The following UTRN variants were observed in gnomAD, a reference collection of about 807,000 sequenced individuals.
UTRN encodes dystrophin-related protein 1.
A neutral mutation model predicts 463.9 loss-of-function variants in UTRN; 283 were observed. That is an observed-to-expected ratio of 0.61 (90% CI 0.55 to 0.67). UTRN has a LOEUF of 0.67. Ranked by LOEUF, UTRN falls within the 30% of genes least tolerant of loss-of-function variation. The pLI is 0.00. For synonymous variants in UTRN, 1,442 were observed against 1,431.5 expected (o/e 1.01, Z -0.17); for missense variants, 3,922 against 4,084.3 (o/e 0.96, Z 1.08).
chr6:144,423,691 C>A, intron 5 of UTRN, 65 bp downstream of exon 5: 1 of 1,555,022 alleles, frequency 6.4e-7, no homozygotes, highest in Non-Finnish European at 8.9e-7. Flanking sequence ...GTGAAACTCA[C>A]CAACTGCTTG....
At chr6:144,608,402 G>C (rs1805105449) in intron 51 of UTRN, among the ~76,000 whole-genome samples, 1 of 152,058 alleles carries the variant, frequency 6.6e-6, no homozygotes, top group Non-Finnish European at 1.5e-5. Context: ...GAAGTTATCG[G>C]GCCTCATTCT....
chr6:144,360,947 A>G (rs760230465), intron 2 of UTRN, among the ~76,000 whole-genome samples: 14 of 152,060 alleles, frequency 9.2e-5, no homozygotes, highest in Non-Finnish European at 1.9e-4. Flanking sequence ...GAAGGACCAA[A>G]CTAAGATATT....
chr6:144,367,917 G>C (rs1269223092), intron 2 of UTRN, among the ~76,000 whole-genome samples: 1 of 152,076 alleles, frequency 6.6e-6, no homozygotes, highest in Non-Finnish European at 1.5e-5. Context: ...GAGTAGCTGG[G>C]ATTACAGGCA....
intron 52 of UTRN, among the ~76,000 whole-genome samples, chr6:144,686,594 A>G (rs889516452): frequency 2.6e-5 from 4 of 152,134 alleles, no homozygotes; most frequent in African/African-American, 9.7e-5. Context: ...ATACATGTTT[A>G]GGATTGTAGT....
At chr6:144,404,544 C>T (rs895838759) in intron 3 of UTRN, among the ~76,000 whole-genome samples, 11 of 152,104 alleles carry the variant, frequency 7.2e-5, no homozygotes, top group African/African-American at 2.2e-4. Flanking sequence ...TGGTTATTCA[C>T]GAGGATAACA....
intron 51 of UTRN, among the ~76,000 whole-genome samples, chr6:144,592,384 T>A (rs1297879638): frequency 2.0e-5 from 3 of 152,112 alleles, no homozygotes; most frequent in African/African-American, 4.8e-5. Context: ...TTTTTTTTTT[T>A]ATTTTTTAGA....
chr6:144,800,055 G>A (rs1241314931), intron 64 of UTRN, among the ~76,000 whole-genome samples: 1 of 152,208 alleles, frequency 6.6e-6, no homozygotes, highest in Non-Finnish European at 1.5e-5. Context: ...GACTTGGGAA[G>A]AGACTGCCAT....
At chr6:144,820,206 TG>T (rs1779478986) in intron 65 of UTRN, among the ~76,000 whole-genome samples, 1 of 152,142 alleles carries the variant, frequency 6.6e-6, no homozygotes. Context: ...TCACCCTAAA[TG>T]ATTATCAAAC....
In UTRN at chr6:144,522,091, G is replaced by T. The variant is rs1796157085; in HGVS notation, c.5653G>T (p.Asp1885Tyr). ...EINKILLCMD[D>Y]VELSLNVPEL... ...TAACAAAATTTTACTTTGCATGGAT[G>T]ATGTTGAATTATCGCTTAATGTTCC... Residue 1885 changes from aspartate (D) to tyrosine (Y), a missense_variant, in exon 40 of 75, where the codon GAT (aspartate) becomes TAT (tyrosine). This residue lies in a region of UTRN where 2,349 missense variants were observed against 2,303.8 expected (regional missense o/e 1.02). Transcript: ENST00000367545. 11 of 1,586,660 alleles carry T rather than the reference G, an allele frequency of 6.9e-6. No individual in the cohort carries two copies. The highest frequency in any genetic ancestry group is 7.7e-6 in the Non-Finnish European group (9 of 1,168,260).
intron 71 of UTRN, among the ~76,000 whole-genome samples, chr6:144,837,538 T>G (rs1781204022): frequency 1.3e-5 from 2 of 152,228 alleles, no homozygotes; most frequent in Non-Finnish European, 2.9e-5. Flanking sequence ...TCAACATGCA[T>G]GTCATCTTTA....
intron 53 of UTRN, chr6:144,708,204 T>A (rs1586138679): frequency 1.7e-6 from 1 of 588,518 alleles, no homozygotes; most frequent in African/African-American, 1.9e-5. Context: ...TTTGAATTGC[T>A]TGAAGAGAAT....
intron 32 of UTRN, 40 bp from the exon 33 acceptor site, chr6:144,493,261 C>T (rs1488607214): frequency 2.5e-6 from 4 of 1,604,714 alleles, no homozygotes; most frequent in Non-Finnish European, 3.4e-6. Flanking sequence ...AAGTTGTCAC[C>T]ACAGTGTGTA....
intron 65 of UTRN, among the ~76,000 whole-genome samples, chr6:144,815,565 C>T (rs191619445): frequency 7.5e-4 from 114 of 152,308 alleles, no homozygotes; most frequent in Non-Finnish European, 1.3e-3. Flanking sequence ...AACCACTGGT[C>T]TAACAGTCCA....
At chr6:144,359,818 A>G (rs1778890027) in intron 2 of UTRN, among the ~76,000 whole-genome samples, 1 of 150,630 alleles carries the variant, frequency 6.6e-6, no homozygotes. Context: ...TCATCGCTTG[A>G]TGTTTAACAG....
chr6:144,362,473 A>T (rs1205699951), intron 2 of UTRN, among the ~76,000 whole-genome samples: 1 of 152,198 alleles, frequency 6.6e-6, no homozygotes, highest in Non-Finnish European at 1.5e-5. Flanking sequence ...TCTTCAGTGA[A>T]CTTAGCTACA....
At chr6:144,528,952 T>C (rs1796795796) in intron 41 of UTRN, among the ~76,000 whole-genome samples, 1 of 152,186 alleles carries the variant, frequency 6.6e-6, no homozygotes, top group South Asian at 2.1e-4. Context: ...AGTCAGACTC[T>C]CCTTGTGCAT....
Position 144,659,067 on chromosome 6 carries a change from G to A in UTRN, c.7480-19339G>A, listed in dbSNP as rs1186395414. Among the ~76,000 whole-genome samples the A allele has an allele frequency of 2.0e-5, 3 of 152,226 alleles. No individual in the cohort carries two copies. The East Asian group carries it at 5.8e-4, about 29-fold the overall frequency. On this transcript the variant is annotated intron_variant, in intron 51 of 74. Coordinates refer to ENST00000367545, the MANE Select transcript of UTRN (RefSeq NM_007124.3). ...AAACTATTTTCTTCATCAGTTGCCTGCTAACACCTTTTTGAAAAATAAAAT... is the reference window on the plus strand; with the variant it reads ...AAACTATTTTCTTCATCAGTTGCCTACTAACACCTTTTTGAAAAATAAAAT...
chr6:144,730,764 C>T (rs1788435774), intron 54 of UTRN, among the ~76,000 whole-genome samples: 1 of 151,272 alleles, frequency 6.6e-6, no homozygotes, highest in African/African-American at 2.4e-5. Flanking sequence ...AAAGTAATTT[C>T]TATAAGAAAT....
At chr6:144,703,484 G>A (rs1466927502) in intron 53 of UTRN, among the ~76,000 whole-genome samples, 1 of 151,924 alleles carries the variant, frequency 6.6e-6, no homozygotes, top group Non-Finnish European at 1.5e-5. Flanking sequence ...TTGTACCAAG[G>A]GAAAAAAAAT....
Sources: gnomAD v4.1 joint callset for allele counts (sites outside exome capture counted in the v4.1 genomes callset) on GRCh38, gnomAD v4.1.1 for gene constraint, gnomAD v4.1.1 regional missense constraint, MANE v1.5 for transcripts, NCBI Gene and HGNC (gene_info 2026-07-23, HGNC 2026-07-21) for gene names.